The following FAT3 variants were observed in gnomAD, a reference collection of about 807,000 sequenced individuals.
FAT3 encodes the protein protocadherin Fat 3.
A neutral mutation model predicts 310.2 loss-of-function variants in FAT3; 95 were observed. That is an observed-to-expected ratio of 0.31 (90% confidence interval 0.26 to 0.36). The LOEUF (loss-of-function observed/expected upper bound fraction) is 0.36, where lower values mean the gene tolerates loss of function less well. FAT3 is among the 10% of genes least tolerant of loss of function. The pLI, the probability that FAT3 is intolerant of heterozygous loss-of-function variation, is 1.00. For synonymous variants in FAT3, 2,314 were observed against 2,192.9 expected (o/e 1.06, Z -1.54); for missense variants, 5,408 against 5,715.6 (o/e 0.95, Z 1.74).
intron 6 of FAT3, among the ~76,000 whole-genome samples, chr11:92,772,474 G>A (rs140755697): frequency 7.6e-4 from 116 of 152,014 alleles, no homozygotes; most frequent in South Asian, 4.4e-3. Flanking sequence ...AAGAAATGGT[G>A]ACCTAAGGCT....
chr11:92,339,149 A>G (rs549664969), intron 1 of FAT3, among the ~76,000 whole-genome samples: 7 of 152,322 alleles, frequency 4.6e-5, no homozygotes, highest in African/African-American at 7.2e-5. Flanking sequence ...CAACTTCAAC[A>G]GTATTGACAT....
At chr11:92,797,720 C>T (rs534920965) in intron 9 of FAT3, 116 bp from the exon 10 acceptor site, 2 of 853,544 alleles carry the variant, frequency 2.3e-6, no homozygotes, top group East Asian at 2.6e-5. Flanking sequence ...CAGATGAGTA[C>T]TATAATTGCT....
intron 1 of FAT3, among the ~76,000 whole-genome samples, chr11:92,246,590 A>G (rs1864920001): frequency 6.6e-6 from 1 of 152,078 alleles, no homozygotes; most frequent in Non-Finnish European, 1.5e-5. Context: ...GAGACTTTCC[A>G]ACTGATTAAG....
intron 1 of FAT3, among the ~76,000 whole-genome samples, chr11:92,240,566 GA>G (rs1177496764): frequency 1.8e-5 from 2 of 110,948 alleles, no homozygotes; most frequent in African/African-American, 3.6e-5. Context: ...GAAACAAAAT[GA>G]AACCCCCCCA....
intron 23 of FAT3, among the ~76,000 whole-genome samples, chr11:92,882,097 G>A (rs1332852654): frequency 6.6e-6 from 1 of 152,158 alleles, no homozygotes; most frequent in Non-Finnish European, 1.5e-5. Context: ...AATCCCAAAA[G>A]CTCTGAGAAC....
At chr11:92,552,441 GAGAA>G (rs773361371) in intron 3 of FAT3, among the ~76,000 whole-genome samples, 1 of 152,084 alleles carries the variant, frequency 6.6e-6, no homozygotes, top group African/African-American at 2.4e-5. Context: ...AAATCTTATA[GAGAA>G]AGAAACAAAA....
In FAT3 at chr11:92,353,721, G is replaced by C. The variant is rs771837329; in HGVS notation, c.1609G>C (p.Glu537Gln). The C allele has an allele frequency of 6.2e-7, 1 of 1,613,888 alleles. No homozygotes were observed. The highest frequency in any genetic ancestry group is 1.1e-5 in the South Asian group (1 of 91,068). The change falls in exon 2 of 28, where the codon GAA becomes CAA. Residue 537 changes from glutamate to glutamine, a missense_variant. Glu to Gln is a conservative substitution (Grantham distance 29, BLOSUM62 2). Coordinates refer to ENST00000525166, the MANE Select transcript of FAT3 (RefSeq NM_001367949.2). ...VISTTEELDFESSPEIYRFIV... is the reference protein window; with the variant it reads ...VISTTEELDFQSSPEIYRFIV... ...TAGCACAACTGAAGAACTGGATTTT[G>C]AATCCTCCCCAGAAATTTACAGATT...
intron 2 of FAT3, among the ~76,000 whole-genome samples, chr11:92,386,786 C>T (rs1358755708): frequency 6.6e-6 from 1 of 152,214 alleles, no homozygotes; most frequent in Non-Finnish European, 1.5e-5. Context: ...GATTAAACTG[C>T]TCCCATTACA....
chr11:92,514,163 A>G (rs1953400039), intron 2 of FAT3, among the ~76,000 whole-genome samples: 2 of 152,206 alleles, frequency 1.3e-5, no homozygotes, highest in Admixed American at 1.3e-4. Context: ...CTGGAATTAA[A>G]TAATTAAAGT....
Position 92,891,640 on chromosome 11 carries a change from A to C in FAT3, c.*527A>C, listed in dbSNP as rs1264377792. On this transcript the variant is annotated 3_prime_UTR_variant, in exon 28 of 28. Coordinates refer to ENST00000525166, the MANE Select transcript of FAT3 (RefSeq NM_001367949.2). Reference sequence around the variant, plus strand: ...AAATGGGCTGAAGCCTTTTAAATCAACTCTATTTTTTTGATAAGCTGCCCA... The same window carrying C: ...AAATGGGCTGAAGCCTTTTAAATCACCTCTATTTTTTTGATAAGCTGCCCA... The C allele has an allele frequency of 1.3e-5, 2 of 159,502 alleles. No homozygotes were observed. The highest frequency in any genetic ancestry group is 3.5e-4 in the East Asian group (2 of 5,716). 9.9% of individuals were successfully genotyped at this position (159,502 alleles called of 1,614,324 possible). A position where few individuals can be genotyped will look rare whatever the true frequency, so the allele number is the denominator to read the frequency against.
At position 92,424,393 on chromosome 11, in the gene FAT3, G is replaced by C. The variant is rs139793240; in HGVS notation, c.3292+68989G>C. Among the ~76,000 whole-genome samples, 5 of 152,206 alleles carry C rather than the reference G, an allele frequency of 3.3e-5. No individual in the cohort carries two copies. In the East Asian group the frequency reaches 9.7e-4, roughly 29 times the overall value. On this transcript the variant is annotated intron_variant, in intron 2 of 27. Transcript: ENST00000525166. ...GAGAATGCTTCAGAATAGCTTGTCT[G>C]CCAAGGCTACAGTGGTTCTCCTATG...
chr11:92,461,486 C>T (rs1442028602), intron 2 of FAT3, among the ~76,000 whole-genome samples: 2 of 151,938 alleles, frequency 1.3e-5, no homozygotes, highest in Non-Finnish European at 2.9e-5. Flanking sequence ...AAAAAATGAA[C>T]ATCATAATGT....
At chr11:92,526,302 C>G (rs925870099) in intron 3 of FAT3, among the ~76,000 whole-genome samples, 11 of 152,158 alleles carry the variant, frequency 7.2e-5, no homozygotes, top group Non-Finnish European at 1.3e-4. Context: ...AATCACTTTG[C>G]AAATTTAAGA....
At chr11:92,427,167 G>A (rs513194) in intron 2 of FAT3, among the ~76,000 whole-genome samples, 97,142 of 151,806 alleles carry the variant, frequency 0.64, 36,160 homozygotes, top group East Asian at 0.8. Context: ...TCATGATTTG[G>A]CTCTCTGTCT....
At chr11:92,533,694 C>G (rs890167287) in intron 3 of FAT3, among the ~76,000 whole-genome samples, 3 of 152,124 alleles carry the variant, frequency 2.0e-5, no homozygotes, top group Non-Finnish European at 2.9e-5. Flanking sequence ...GCAGGGGCAG[C>G]TCACAGGCAC....
intron 2 of FAT3, among the ~76,000 whole-genome samples, chr11:92,467,407 A>G (rs1951791882): frequency 6.6e-6 from 1 of 152,118 alleles, no homozygotes; most frequent in African/African-American, 2.4e-5. Context: ...CTCTTTTGTG[A>G]ACACACAAAC....
intron 2 of FAT3, among the ~76,000 whole-genome samples, chr11:92,380,072 CGTGTGT>C (rs34789717): frequency 0.12 from 16,722 of 145,212 alleles, 948 homozygotes; most frequent in South Asian, 0.18. Context: ...CAAACTGATT[CGTGTGT>C]GTGTGTGTGT....
At chr11:92,279,463 C>T (rs1946365724) in intron 1 of FAT3, among the ~76,000 whole-genome samples, 1 of 152,128 alleles carries the variant, frequency 6.6e-6, no homozygotes, top group South Asian at 2.1e-4. Flanking sequence ...CATTCATTTA[C>T]TTTTCTAAGT....
chr11:92,372,689 C>G (rs1019787353), intron 2 of FAT3, among the ~76,000 whole-genome samples: 3 of 151,726 alleles, frequency 2.0e-5, no homozygotes, highest in Non-Finnish European at 4.4e-5. Context: ...GAGACGGAAT[C>G]TCACTCTGTC....
Sources: gnomAD v4.1 joint callset for allele counts (sites outside exome capture counted in the v4.1 genomes callset) on GRCh38, gnomAD v4.1.1 for gene constraint, MANE v1.5 for transcripts, NCBI Gene and HGNC (gene_info 2026-07-23, HGNC 2026-07-21) for gene names.